The following KAZN variants were observed in gnomAD, a reference collection of about 807,000 sequenced individuals.
KAZN encodes kazrin.
A neutral mutation model predicts 87.4 loss-of-function variants in KAZN; 40 were observed. That is an observed-to-expected ratio of 0.46 (90% CI 0.36 to 0.60). The LOEUF (loss-of-function observed/expected upper bound fraction) is 0.60. Among genes scored for constraint, KAZN ranks in the 20% least tolerant of loss-of-function variants. The pLI, the probability that KAZN is intolerant of heterozygous loss-of-function variation, is 0.00. For missense variants in KAZN, 898 were observed against 1,073.9 expected (o/e 0.84, Z 2.29); for synonymous variants, 466 against 458.3 (o/e 1.02, Z -0.22).
intron 2 of KAZN, among the ~76,000 whole-genome samples, chr1:14,533,922 G>A (rs1672344838): frequency 6.6e-6 from 1 of 152,256 alleles, no homozygotes; most frequent in African/African-American, 2.4e-5. Flanking sequence ...ATCCAAACTT[G>A]CAAAGAAACA....
intron 2 of KAZN, among the ~76,000 whole-genome samples, chr1:15,029,376 T>A (rs1671463686): frequency 1.3e-5 from 2 of 152,188 alleles, no homozygotes; most frequent in Admixed American, 6.5e-5. Context: ...AGGTCCCCTC[T>A]TAGGCAGAAG....
At chr1:14,417,096 G>A (rs1296115043) in intron 2 of KAZN, among the ~76,000 whole-genome samples, 2 of 151,690 alleles carry the variant, frequency 1.3e-5, no homozygotes, top group African/African-American at 4.8e-5. Flanking sequence ...GGAGGCTGAG[G>A]TGGGAGAATA....
At chr1:13,912,265 C>G (rs1639680814) in intron 1 of KAZN, among the ~76,000 whole-genome samples, 1 of 152,182 alleles carries the variant, frequency 6.6e-6, no homozygotes, top group Admixed American at 6.5e-5. Flanking sequence ...CGTCTTTCCT[C>G]CTGTGCCTAA....
rs1034269236 is a variant in KAZN, at chr1:14,542,648, G to A, written c.250-56335G>A. ...TGCTGAGGTTTGGAGTGCAGATCCC[G>A]TCACCCTGGTAGTGAGCATAGTATC... On this transcript the variant is annotated intron_variant, in intron 2 of 16. Coordinates refer to the KAZN transcript ENST00000636203. Among the ~76,000 whole-genome samples the A allele has an allele frequency of 3.3e-5, 5 of 152,134 alleles. No homozygotes were observed. The East Asian group carries it at 5.8e-4, about 18-fold the overall frequency.
rs1406981952 is a variant in KAZN, at chr1:15,103,578, A to G, written c.1881+118A>G. The G allele has an allele frequency of 6.9e-6, 5 of 727,094 alleles. No homozygotes were observed. In the African/African-American group the frequency reaches 6.9e-5, roughly 10 times the overall value. 45.0% of individuals were successfully genotyped at this position (727,094 alleles called of 1,614,324 possible). A position where few individuals can be genotyped will look rare whatever the true frequency, so the allele number is the denominator to read the frequency against. On this transcript the variant is annotated intron_variant, in intron 12 of 14. Transcript: ENST00000376030. ...TCAATATGCAGATCTCATGCAAATCAATGGGCAAATCCCACACAAATTAAT... is the reference window on the plus strand; with the variant it reads ...TCAATATGCAGATCTCATGCAAATCGATGGGCAAATCCCACACAAATTAAT...
intron 2 of KAZN, among the ~76,000 whole-genome samples, chr1:14,216,520 T>C (rs1165853234): frequency 2.6e-5 from 4 of 152,170 alleles, no homozygotes; most frequent in African/African-American, 9.7e-5. Flanking sequence ...TGCTGTATGT[T>C]TTGAAAACTG....
chr1:14,771,932 G>C (rs1645030890), intron 1 of KAZN, among the ~76,000 whole-genome samples: 1 of 152,180 alleles, frequency 6.6e-6, no homozygotes, highest in Non-Finnish European at 1.5e-5. Context: ...ATATGAAATT[G>C]TTCTGATTTT....
At chr1:14,092,070 T>C (rs1282477120) in intron 1 of KAZN, among the ~76,000 whole-genome samples, 2 of 151,814 alleles carry the variant, frequency 1.3e-5, no homozygotes, top group Non-Finnish European at 2.9e-5. Flanking sequence ...TGAATTCTTG[T>C]AATACTTTAT....
intron 2 of KAZN, among the ~76,000 whole-genome samples, chr1:14,496,711 C>T (rs558005671): frequency 6.6e-6 from 1 of 151,946 alleles, no homozygotes; most frequent in African/African-American, 2.4e-5. Context: ...CTACTGGGCT[C>T]TCTCAGTCAC....
At chr1:14,312,745 C>T (rs1655390645) in intron 2 of KAZN, among the ~76,000 whole-genome samples, 2 of 152,084 alleles carry the variant, frequency 1.3e-5, no homozygotes, top group Non-Finnish European at 2.9e-5. Flanking sequence ...ATCTTGGTGG[C>T]ACTCTCTCTG....
At chr1:14,593,125 C>G (rs1676300185) in intron 2 of KAZN, among the ~76,000 whole-genome samples, 1 of 152,240 alleles carries the variant, frequency 6.6e-6, no homozygotes, top group Non-Finnish European at 1.5e-5. Context: ...CCAGTACCCT[C>G]TCTACCCAAC....
chr1:14,635,896 C>T (rs1679944386), intron 1 of KAZN, among the ~76,000 whole-genome samples: 1 of 152,216 alleles, frequency 6.6e-6, no homozygotes, highest in Non-Finnish European at 1.5e-5. Context: ...TCCATGCTAT[C>T]TCATGACACA....
At chr1:14,321,669 C>G (rs1332240860) in intron 2 of KAZN, among the ~76,000 whole-genome samples, 4 of 152,138 alleles carry the variant, frequency 2.6e-5, no homozygotes, top group Non-Finnish European at 5.9e-5. Context: ...TTTCCTATTA[C>G]CATTGACCCC....
chr1:14,550,703 T>TTC lies in KAZN; in HGVS notation c.250-48245_250-48244dup, dbSNP rs150591627. 1.4e-3 allele frequency among the ~76,000 whole-genome samples: 55 copies of TTC among 38,632 alleles called. 1 individual carries two copies. Among genetic ancestry groups the TTC allele is most frequent in the African/African-American group, 3.8e-3 (46 of 11,962 alleles). 25.3% of individuals were successfully genotyped at this position (38,632 alleles called of 152,430 possible). ...CTAAGTTCCCTGCCTCTCTCCTCTT[T>TTC]TCTCTCTCTCTCTCTCTCTCTCTCT... On this transcript the variant is annotated intron_variant, in intron 2 of 16. Coordinates refer to the KAZN transcript ENST00000636203.
intron 2 of KAZN, chr1:14,391,374 G>C (rs1032766849): frequency 1.3e-5 from 2 of 152,260 alleles, no homozygotes; most frequent in Non-Finnish European, 2.9e-5. Context: ...TCTTCAGCTA[G>C]ACTTTCCCCA....
intron 1 of KAZN, among the ~76,000 whole-genome samples, chr1:13,978,079 G>A (rs1484183439): frequency 2.3e-5 from 3 of 128,698 alleles, no homozygotes; most frequent in East Asian, 2.3e-4. Flanking sequence ...AGTGAGCCGA[G>A]ATCGTGCCAC....
At chr1:14,894,014 G>T (rs1557596816) in intron 1 of KAZN, among the ~76,000 whole-genome samples, 1 of 152,102 alleles carries the variant, frequency 6.6e-6, no homozygotes, top group East Asian at 1.9e-4. Context: ...AGCACTTAGG[G>T]ACCTCTGGCT....
At chr1:15,088,091 G>C (rs548968267) in intron 8 of KAZN, among the ~76,000 whole-genome samples, 2 of 152,192 alleles carry the variant, frequency 1.3e-5, no homozygotes, top group Admixed American at 6.5e-5. Context: ...CTTTTGCACC[G>C]GGCCAAAAAA....
intron 2 of KAZN, among the ~76,000 whole-genome samples, chr1:14,417,104 A>G (rs1664852171): frequency 6.6e-6 from 1 of 151,744 alleles, no homozygotes; most frequent in Non-Finnish European, 1.5e-5. Flanking sequence ...AGGTGGGAGA[A>G]TAGCTCGAAC....
Sources: allele counts gnomAD v4.1 joint callset (sites outside exome capture counted in the v4.1 genomes callset), GRCh38; gene constraint gnomAD v4.1.1; transcripts MANE v1.5; gene names NCBI Gene and HGNC (gene_info 2026-07-23, HGNC 2026-07-21).